TMED2: variants seen among roughly 807,000 people sequenced by gnomAD.
The protein encoded by TMED2 is transmembrane emp24 domain-containing protein 2.
In TMED2, 3 loss-of-function variants were observed where a neutral mutation model predicts 17.5. The observed-to-expected ratio is 0.17, with a 90% CI of 0.08 to 0.44. The LOEUF (loss-of-function observed/expected upper bound fraction) is 0.44, where lower values mean the gene tolerates loss of function less well. Ranked by LOEUF, TMED2 falls within the 20% of genes least tolerant of loss-of-function variation. TMED2 has a pLI of 0.99. For missense variants in TMED2, 149 were observed against 254.8 expected (o/e 0.58, Z 2.83); for synonymous variants, 95 against 91.0 (o/e 1.04, Z -0.25).
At chr12:123,591,656 C>A (rs1953393359) in intron 3 of TMED2, among the ~76,000 whole-genome samples, 1 of 152,180 alleles carries the variant, frequency 6.6e-6, no homozygotes, top group Non-Finnish European at 1.5e-5. Flanking sequence ...GTGGCACGCG[C>A]CTGTAGTCCC....
At chr12:123,591,805 G>C (rs927188875) in intron 3 of TMED2, among the ~76,000 whole-genome samples, 1 of 152,060 alleles carries the variant, frequency 6.6e-6, no homozygotes, top group Non-Finnish European at 1.5e-5. Flanking sequence ...AAAAGAGCAA[G>C]GTATAGTGAC....
At chr12:123,584,896 C>T (rs1886309953) in intron 1 of TMED2, 80 bp downstream of exon 1, 39 of 1,548,726 alleles carry the variant, frequency 2.5e-5, no homozygotes, top group Non-Finnish European at 3.0e-5. Flanking sequence ...GGCGCGGGGC[C>T]TGTGTGGGGA....
intron 2 of TMED2, 54 bp downstream of exon 2, chr12:123,586,993 C>A: frequency 6.8e-7 from 1 of 1,468,740 alleles, no homozygotes; most frequent in South Asian, 1.5e-5. Flanking sequence ...AATTTTAGTT[C>A]TATACATTTT....
rs997511855 is a variant in TMED2 at position 123,591,781 on chromosome 12, A to G, written c.481+1332A>G. Reference sequence around the variant, plus strand: ...TGGCGACAGAGCGAGACTCTGTCTGAAAAAAAAAAAGGAAAAAGAGCAAGG... The same window carrying G: ...TGGCGACAGAGCGAGACTCTGTCTGGAAAAAAAAAAGGAAAAAGAGCAAGG... On this transcript the variant is annotated intron_variant, in intron 3 of 3. Coordinates refer to ENST00000262225, the MANE Select transcript of TMED2 (RefSeq NM_006815.4). Among the ~76,000 whole-genome samples the G allele has an allele frequency of 2.9e-4, 43 of 146,736 alleles. 1 individual carries two copies. Among genetic ancestry groups the G allele is most frequent in the Middle Eastern group, 3.5e-3 (1 of 286 alleles).
At chr12:123,590,260 G>A (rs1953381273) in intron 2 of TMED2, 82 bp from the exon 3 acceptor site, 1 of 1,126,836 alleles carries the variant, frequency 8.9e-7, no homozygotes, top group South Asian at 1.4e-5. Flanking sequence ...ACTCCAGCCT[G>A]GGCAACAGAG....
chr12:123,586,658 G>C, intron 1 of TMED2, 89 bp from the exon 2 acceptor site: 9 of 1,340,106 alleles, frequency 6.7e-6, no homozygotes, highest in Non-Finnish European at 9.0e-6. Context: ...CCATATTCTT[G>C]GTGAATTTCT....
chr12:123,595,229 A>C (rs1168718979), intron 3 of TMED2, among the ~76,000 whole-genome samples: 1 of 152,234 alleles, frequency 6.6e-6, no homozygotes, highest in Non-Finnish European at 1.5e-5. Flanking sequence ...TCTGACTCAA[A>C]AAAAAGTAAG....
chr12:123,595,078 A>T (rs1331803991), intron 3 of TMED2, among the ~76,000 whole-genome samples: 2 of 151,618 alleles, frequency 1.3e-5, no homozygotes, highest in Non-Finnish European at 2.9e-5. Flanking sequence ...AAAATACAAA[A>T]ATTAGCCAGG....
chr12:123,588,846 C>G (rs758577308), intron 2 of TMED2, among the ~76,000 whole-genome samples: 1 of 152,174 alleles, frequency 6.6e-6, no homozygotes, highest in Non-Finnish European at 1.5e-5. Flanking sequence ...TGCTGAGAAA[C>G]CCTGCTCTAT....
chr12:123,587,210 G>A (rs2135659385), intron 2 of TMED2, among the ~76,000 whole-genome samples: 1 of 152,174 alleles, frequency 6.6e-6, no homozygotes, highest in Non-Finnish European at 1.5e-5. Flanking sequence ...TCAGTAGCGT[G>A]ATCTTGGCTT....
At chr12:123,586,225 TAAAGGTG>T in intron 1 of TMED2, 1 of 152,462 alleles carries the variant, frequency 6.6e-6, no homozygotes, top group Admixed American at 6.5e-5. Flanking sequence ...TGTCAGGACC[TAAAGGTG>T]TTTTAGAAAG....
At chr12:123,585,335 A>C (rs1274029717) in intron 1 of TMED2, among the ~76,000 whole-genome samples, 2 of 152,170 alleles carry the variant, frequency 1.3e-5, no homozygotes, top group Non-Finnish European at 2.9e-5. Flanking sequence ...TTTTTCATAG[A>C]AGCAACCTTA....
chr12:123,596,179 A>G (rs1953429743), intron 3 of TMED2, among the ~76,000 whole-genome samples: 1 of 152,244 alleles, frequency 6.6e-6, no homozygotes, highest in South Asian at 2.1e-4. Flanking sequence ...GTACCCATGC[A>G]ACCATTCTGT....
rs753896828 is a variant in TMED2 at position 123,586,923 on chromosome 12, A to G, written c.357A>G (p.Gln119=). The change falls in exon 2 of 4, where the codon CAA becomes CAG. Residue 119 remains glutamine (Q), a synonymous_variant. Coordinates refer to ENST00000262225, the MANE Select transcript of TMED2 (RefSeq NM_006815.4). ...ATATTGGGGAGGCTCCAAAAGGACAAGATATGGAAACAGAAGGTGAGATGA... is the reference window on the plus strand; with the variant it reads ...ATATTGGGGAGGCTCCAAAAGGACAGGATATGGAAACAGAAGGTGAGATGA... ...TIDIGEAPKG[Q]DMETEAHQNK... is the part of the protein sequence containing the mutation. 21 of 1,601,732 alleles carry G rather than the reference A, an allele frequency of 1.3e-5. No individual in the cohort carries two copies. The highest frequency in any genetic ancestry group is 1.7e-5 in the Non-Finnish European group (20 of 1,173,178).
At chr12:123,587,316 C>T (rs1003636853) in intron 2 of TMED2, among the ~76,000 whole-genome samples, 6 of 152,038 alleles carry the variant, frequency 3.9e-5, no homozygotes, top group East Asian at 1.9e-4. Flanking sequence ...TTGGTAGAGA[C>T]GGGGTTTCAC....
intron 3 of TMED2, among the ~76,000 whole-genome samples, chr12:123,596,236 AAAT>A (rs758322639): frequency 1.3e-5 from 2 of 152,340 alleles, no homozygotes; most frequent in East Asian, 3.9e-4. Flanking sequence ...ATAAAATAGA[AAAT>A]AATAATAAAA....
At chr12:123,588,552 TTAGA>T (rs1269640735) in intron 2 of TMED2, among the ~76,000 whole-genome samples, 2 of 152,192 alleles carry the variant, frequency 1.3e-5, no homozygotes, top group Non-Finnish European at 2.9e-5. Flanking sequence ...ATTGAACTTC[TTAGA>T]TAATTTTTTA....
rs1014458929 is a variant in TMED2 at position 123,597,787 on chromosome 12, G to A, written c.*1058G>A. The A allele has an allele frequency of 1.3e-5, 2 of 150,786 alleles. No individual in the cohort carries two copies. The highest frequency in any genetic ancestry group is 2.4e-5 in the African/African-American group (1 of 40,886). 9.3% of individuals were successfully genotyped at this position (150,786 alleles called of 1,614,324 possible). ...TGGGTTTAAAATTAAAAGAGCATCC[G>A]GTTTTGGTATGGGGATGATCCAGGA... On this transcript the variant is annotated 3_prime_UTR_variant, in exon 4 of 4. Transcript: ENST00000262225.
chr12:123,584,596 G>C lies in TMED2; in HGVS notation c.-41G>C, dbSNP rs779714062. The C allele has an allele frequency of 1.3e-6, 2 of 1,589,204 alleles. No homozygotes were observed. Among genetic ancestry groups the C allele is most frequent in the East Asian group, 2.3e-5 (1 of 44,230 alleles). ...GGCGGCGGCGGCGGCGGCGGCTGTG[G>C]AGGCCGCAGTCCGGGTCCTGGCTTC... On this transcript the variant is annotated 5_prime_UTR_variant, in exon 1 of 4. Coordinates refer to ENST00000262225, the MANE Select transcript of TMED2 (RefSeq NM_006815.4).
Sources: gnomAD v4.1 joint callset for allele counts (sites outside exome capture counted in the v4.1 genomes callset) on GRCh38, gnomAD v4.1.1 for gene constraint, MANE v1.5 for transcripts, NCBI Gene and HGNC (gene_info 2026-07-23, HGNC 2026-07-21) for gene names.